ARID3B: variants seen among roughly 807,000 people sequenced by gnomAD.
ARID3B encodes AT-rich interaction domain 3B, also known as AT-rich interactive domain-containing protein 3B.
A neutral mutation model predicts 51.9 loss-of-function variants in ARID3B; 10 were observed. The observed-to-expected ratio is 0.19, with a 90% CI of 0.12 to 0.33. ARID3B has a LOEUF of 0.33. ARID3B is among the 10% of genes least tolerant of loss of function. The probability of loss-of-function intolerance (pLI) is 1.00; values close to 1 mark genes in which losing one functional copy is unlikely to be tolerated. For missense variants in ARID3B, 483 were observed against 716.3 expected (o/e 0.67, Z 3.72); for synonymous variants, 205 against 279.5 (o/e 0.73, Z 2.66).
At chr15:74,548,308 C>T (rs1356771458) in intron 2 of ARID3B, among the ~76,000 whole-genome samples, 4 of 152,132 alleles carry the variant, frequency 2.6e-5, no homozygotes, top group South Asian at 2.1e-4. Flanking sequence ...AGCTAGGTTA[C>T]TAGAAGGGTG....
At position 74,544,498 on chromosome 15, in the gene ARID3B, T is replaced by C; in HGVS notation, c.552+10T>C. The C allele has an allele frequency of 6.2e-7, 1 of 1,608,666 alleles. No homozygotes were observed. The highest frequency in any genetic ancestry group is 8.5e-7 in the Non-Finnish European group (1 of 1,177,058). On this transcript the variant is annotated intron_variant, in intron 2 of 8. Coordinates refer to ENST00000346246, the MANE Select transcript of ARID3B (RefSeq NM_006465.4). The stretch of plus-strand genomic sequence containing the variant: ...TGAGCAGCTCAAGCAGGTCAGTCTT[T>C]CTGGTATTGTAGGTCATTTGGTCTT...
rs927833300 is a variant in ARID3B, at chr15:74,541,286, C to T, written c.-122C>T. On this transcript the variant is annotated 5_prime_UTR_variant, in exon 1 of 9. Coordinates refer to ENST00000346246, the MANE Select transcript of ARID3B (RefSeq NM_006465.4). Reference sequence around the variant, plus strand: ...CGCAGCTGCCGCGCCGGGGCCTGAGCTGCCGCCTCCTCCGCCGCCCGAAAA... The same window carrying T: ...CGCAGCTGCCGCGCCGGGGCCTGAGTTGCCGCCTCCTCCGCCGCCCGAAAA... 1.3e-5 allele frequency: 2 copies of T among 152,232 alleles called. No individual in the cohort carries two copies. The highest frequency in any genetic ancestry group is 2.9e-5 in the Non-Finnish European group (2 of 68,100). 9.4% of individuals were successfully genotyped at this position (152,232 alleles called of 1,614,324 possible).
chr15:74,591,341 C>T lies in ARID3B; in HGVS notation c.1072C>T (p.Pro358Ser). 6.2e-7 allele frequency: 1 copy of T among 1,614,052 alleles called. No homozygotes were observed. The highest frequency in any genetic ancestry group is 8.5e-7 in the Non-Finnish European group (1 of 1,179,930). Residue 358 changes from proline (P) to serine (S), a missense_variant, in exon 6 of 9, where the codon CCC (proline) becomes TCC (serine). Transcript: ENST00000346246. This position sits in a 1 kb window ranked among gnomAD's most constrained non-coding sequence, Gnocchi z 5.8. The stretch of plus-strand genomic sequence containing the variant: ...CGGGGCCCCTGCCCTTCTCTCCCCA[C>T]CCAAGATCCGCTTTCCCATCCTTGG... ...AAGAPALLSP[P>S]KIRFPILGLG...
chr15:74,578,417 C>T (rs888950826), intron 4 of ARID3B, among the ~76,000 whole-genome samples: 5 of 152,126 alleles, frequency 3.3e-5, no homozygotes, highest in African/African-American at 7.2e-5. Context: ...TCAGGTAATC[C>T]GCCCGCGTCG....
intron 4 of ARID3B, among the ~76,000 whole-genome samples, chr15:74,578,606 G>C (rs1840860843): frequency 6.6e-6 from 1 of 152,184 alleles, no homozygotes; most frequent in Non-Finnish European, 1.5e-5. Context: ...ATAGACCTCA[G>C]CAGCAGGTCA....
At chr15:74,544,995 G>T (rs566707001) in intron 2 of ARID3B, among the ~76,000 whole-genome samples, 1 of 152,218 alleles carries the variant, frequency 6.6e-6, no homozygotes, top group East Asian at 1.9e-4. Context: ...TGGCCTGTAT[G>T]TTACTCTTAA....
intron 1 of ARID3B, among the ~76,000 whole-genome samples, chr15:74,543,467 T>G (rs1157407654): frequency 6.6e-6 from 1 of 152,236 alleles, no homozygotes; most frequent in Non-Finnish European, 1.5e-5. Flanking sequence ...ATAATTATGC[T>G]TCTGCTACAG....
intron 2 of ARID3B, among the ~76,000 whole-genome samples, chr15:74,564,158 T>C (rs1455116344): frequency 6.6e-6 from 1 of 152,230 alleles, no homozygotes; most frequent in Non-Finnish European, 1.5e-5. Flanking sequence ...AGAGCACTAA[T>C]CCTGATCTTA....
At position 74,583,949 on chromosome 15, in the gene ARID3B, C is replaced by G. The variant is rs112170716; in HGVS notation, c.698-5871C>G. 4.2e-3 allele frequency among the ~76,000 whole-genome samples: 647 copies of G among 152,310 alleles called. 2 individuals are homozygous for G. Among genetic ancestry groups the G allele is most frequent in the Middle Eastern group, 0.02 (6 of 294 alleles). ...TCTTGTGGAACAGTGCAACTACAAG[C>G]TGCACGGCAGACTACCAGACACTGC... On this transcript the variant is annotated intron_variant, in intron 4 of 8. Coordinates refer to ENST00000346246, the MANE Select transcript of ARID3B (RefSeq NM_006465.4).
chr15:74,577,426 G>A (rs1464620177), intron 4 of ARID3B, among the ~76,000 whole-genome samples: 1 of 152,124 alleles, frequency 6.6e-6, no homozygotes, highest in Non-Finnish European at 1.5e-5. Flanking sequence ...TTGCACTCCA[G>A]CCTGGGTGAC....
intron 2 of ARID3B, among the ~76,000 whole-genome samples, chr15:74,561,012 T>C (rs1268644647): frequency 6.6e-6 from 1 of 152,230 alleles, no homozygotes; most frequent in Non-Finnish European, 1.5e-5. Context: ...ATGAAACTCC[T>C]GGGCTCAAGC....
intron 2 of ARID3B, among the ~76,000 whole-genome samples, chr15:74,547,034 G>A (rs934359429): frequency 8.5e-5 from 13 of 152,080 alleles, no homozygotes; most frequent in African/African-American, 3.1e-4. Flanking sequence ...CAGATCATTA[G>A]ACTAGCTTGT....
At chr15:74,588,713 C>T (rs917105645) in intron 4 of ARID3B, among the ~76,000 whole-genome samples, 9 of 152,082 alleles carry the variant, frequency 5.9e-5, no homozygotes, top group Admixed American at 5.2e-4. Flanking sequence ...CTTGCCCCGC[C>T]CTCACCATAT....
intron 4 of ARID3B, 54 bp from the exon 5 acceptor site, chr15:74,589,766 C>A: frequency 6.5e-7 from 1 of 1,532,354 alleles, no homozygotes; most frequent in Non-Finnish European, 8.9e-7. Flanking sequence ...CGGAATCTTT[C>A]TTCTCAGCCT....
At position 74,557,341 on chromosome 15, in the gene ARID3B, A is replaced by ACATC. The variant is rs1423263572; in HGVS notation, c.552+12853_552+12854insCATC. ...TGAGGTGGGAGGATCTCTTGAGCCC[A>ACATC]AGAGATGGAGGCTGCAGTGAGCTAT... On this transcript the variant is annotated intron_variant, in intron 2 of 8. Transcript: ENST00000346246. Among the ~76,000 whole-genome samples the ACATC allele has an allele frequency of 5.9e-5, 9 of 151,870 alleles. No homozygotes were observed. The East Asian group carries it at 1.8e-3, about 30-fold the overall frequency.
chr15:74,576,528 C>T (rs1313463463), intron 4 of ARID3B, among the ~76,000 whole-genome samples: 1 of 151,958 alleles, frequency 6.6e-6, no homozygotes, highest in African/African-American at 2.4e-5. Flanking sequence ...CATAGTGATG[C>T]ATGCCTGTAG....
At chr15:74,582,733 C>G (rs570379350) in intron 4 of ARID3B, among the ~76,000 whole-genome samples, 1 of 152,218 alleles carries the variant, frequency 6.6e-6, no homozygotes, top group East Asian at 1.9e-4. Context: ...TGGGTGTATT[C>G]CCAACAGAAA....
chr15:74,559,611 A>T (rs1241606902), intron 2 of ARID3B, among the ~76,000 whole-genome samples: 1 of 152,152 alleles, frequency 6.6e-6, no homozygotes, highest in Non-Finnish European at 1.5e-5. Context: ...CTGGCTAGTG[A>T]ACCCAGGTGG....
Position 74,591,607 on chromosome 15 carries a change from G to A in ARID3B, c.1213G>A (p.Val405Met). Residue 405 changes from valine (V) to methionine (M), a missense_variant, in exon 7 of 9, where the codon GTG becomes ATG. Val to Met is a conservative substitution (Grantham distance 21). Around this residue, in one of 3 missense-constraint regions of ARID3B, gnomAD observed 265 missense variants for 354.4 expected, o/e 0.75. Coordinates refer to ENST00000346246, the MANE Select transcript of ARID3B (RefSeq NM_006465.4). This position sits in a 1 kb window ranked among gnomAD's most constrained non-coding sequence, Gnocchi z 5.8. ...TTVPVPNRLA[V>M]PVTLASQQAG... ...AGTGCCTGTGCCAAATCGTCTGGCT[G>A]TGCCCGTGACCTTGGCAAGCCAGCA... The A allele has an allele frequency of 1.2e-6, 2 of 1,604,992 alleles. No homozygotes were observed. The highest frequency in any genetic ancestry group is 1.7e-6 in the Non-Finnish European group (2 of 1,175,878).
Sources: allele counts gnomAD v4.1 joint callset (sites outside exome capture counted in the v4.1 genomes callset), GRCh38; gene constraint gnomAD v4.1.1; regional missense constraint gnomAD v4.1.1; non-coding constraint Gnocchi (gnomAD v3.1); transcripts MANE v1.5; gene names NCBI Gene and HGNC (gene_info 2026-07-23, HGNC 2026-07-21).